TTC7B: variants seen among roughly 807,000 people sequenced by gnomAD.
The protein encoded by TTC7B is tetratricopeptide repeat protein 7B.
In TTC7B, 28 loss-of-function variants were observed where a neutral mutation model predicts 106.8. The ratio of observed to expected loss-of-function variants is 0.26; its 90% CI spans 0.19 to 0.36. The LOEUF is 0.36. Among genes scored for constraint, TTC7B ranks in the 10% least tolerant of loss-of-function variants. The pLI is 1.00. For synonymous variants in TTC7B, 405 were observed against 430.6 expected (o/e 0.94, Z 0.74); for missense variants, 862 against 1,076.4 (o/e 0.80, Z 2.79).
rs1420183030 is a variant in TTC7B, at chr14:90,537,568, C to T, written c.*3800G>A. The T allele has an allele frequency of 2.0e-5, 3 of 152,252 alleles. No individual in the cohort carries two copies. The highest frequency in any genetic ancestry group is 4.4e-5 in the Non-Finnish European group (3 of 68,110). The allele number at this position is 152,252 out of a possible 1,614,324, so 9.4% of individuals were successfully genotyped here. On this transcript the variant is annotated 3_prime_UTR_variant, in exon 20 of 20. Transcript: ENST00000328459. The stretch of plus-strand genomic sequence containing the variant: ...GGTCCACGAGGCCGCACCTGTGTGG[C>T]CCCTGTTAAACTTCTGACCTCTTCT...
At chr14:90,552,729 G>A (rs926956326) in intron 19 of TTC7B, among the ~76,000 whole-genome samples, 2 of 152,342 alleles carry the variant, frequency 1.3e-5, no homozygotes, top group South Asian at 4.1e-4. Flanking sequence ...TCAGATGAAG[G>A]AGGAGAGCTC....
intron 5 of TTC7B, among the ~76,000 whole-genome samples, chr14:90,711,741 CA>C (rs1285966851): frequency 2.6e-5 from 4 of 151,690 alleles, no homozygotes; most frequent in South Asian, 4.2e-4. Context: ...AAATTTTTTC[CA>C]AAAAAATGCA....
At chr14:90,605,345 T>C (rs546036513) in intron 17 of TTC7B, among the ~76,000 whole-genome samples, 60 of 152,356 alleles carry the variant, frequency 3.9e-4, no homozygotes, top group African/African-American at 1.4e-3. Flanking sequence ...GGCAATATTC[T>C]AGAAAAACTT....
At position 90,644,799 on chromosome 14, in the gene TTC7B, C is replaced by T. The variant is rs529003590; in HGVS notation, c.1591-591G>A. On this transcript the variant is annotated intron_variant, in intron 14 of 19. Transcript: ENST00000328459. ...CAAGGAAACATGCCAAAAAAGTAAA[C>T]AACAAAGGCCCCCACACCTTTCCAA... 2.6e-5 allele frequency: 4 copies of T among 152,336 alleles called. No homozygotes were observed. In the South Asian group the frequency reaches 8.3e-4, roughly 32 times the overall value. The allele number at this position is 152,336 out of a possible 1,614,324, so 9.4% of individuals were successfully genotyped here. A position where few individuals can be genotyped will look rare whatever the true frequency, so the allele number is the denominator to read the frequency against.
chr14:90,593,716 A>G, intron 17 of TTC7B, 90 bp from the exon 18 acceptor site: 1 of 1,253,710 alleles, frequency 8.0e-7, no homozygotes, highest in Admixed American at 2.6e-5. Context: ...CGCGGAACAC[A>G]CACACCCCTT....
At chr14:90,717,557 A>C (rs1888705818) in intron 5 of TTC7B, among the ~76,000 whole-genome samples, 1 of 152,164 alleles carries the variant, frequency 6.6e-6, no homozygotes, top group African/African-American at 2.4e-5. Flanking sequence ...TCCTAAGAAA[A>C]GTCATAAATT....
intron 15 of TTC7B, among the ~76,000 whole-genome samples, chr14:90,629,308 C>T (rs1242092298): frequency 6.6e-6 from 1 of 151,774 alleles, no homozygotes; most frequent in Admixed American, 6.6e-5. Context: ...TACAAATGAA[C>T]TAGAATTCAA....
In TTC7B at chr14:90,578,448, C is replaced by T; in HGVS notation, c.2108-140G>A. On this transcript the variant is annotated intron_variant, in intron 18 of 19. Coordinates refer to ENST00000328459, the MANE Select transcript of TTC7B (RefSeq NM_001010854.2). The surrounding 1 kb of genome is among the most constrained non-coding windows in gnomAD (Gnocchi z 4.7). ...AGCTGATCCCTGCTCCAAGTGGAAA[C>T]AGCTGCCGCTGACAGTCCCTCCTGC... 1 of 844,948 alleles carries T rather than the reference C, an allele frequency of 1.2e-6. No homozygotes were observed. The highest frequency in any genetic ancestry group is 1.6e-5 in the South Asian group (1 of 61,572). 52.3% of individuals were successfully genotyped at this position (844,948 alleles called of 1,614,324 possible). A position where few individuals can be genotyped will look rare whatever the true frequency, so the allele number is the denominator to read the frequency against.
rs201960735 is a variant in TTC7B, at chr14:90,641,921, T to TTGTG, written c.1751+2123_1751+2126dup. Among the ~76,000 whole-genome samples the TTGTG allele has an allele frequency of 5.0e-5, 7 of 139,316 alleles. No individual in the cohort carries two copies. In the East Asian group the frequency reaches 6.4e-4, roughly 13 times the overall value. 91.4% of individuals were successfully genotyped at this position (139,316 alleles called of 152,430 possible). The stretch of plus-strand genomic sequence containing the variant: ...GGAGTCCAATGCCTAATGAAAGAGC[T>TTGTG]TGTGTGTGTGTGCGTGTGTGTGTGT... On this transcript the variant is annotated intron_variant, in intron 15 of 19. Coordinates refer to ENST00000328459, the MANE Select transcript of TTC7B (RefSeq NM_001010854.2).
At chr14:90,782,028 G>A (rs758681372) in intron 2 of TTC7B, among the ~76,000 whole-genome samples, 5 of 152,186 alleles carry the variant, frequency 3.3e-5, no homozygotes, top group African/African-American at 4.8e-5. Context: ...CCATGAAACC[G>A]CACTATTTAT....
intron 4 of TTC7B, among the ~76,000 whole-genome samples, chr14:90,732,357 C>T (rs1010665372): frequency 4.6e-5 from 7 of 152,144 alleles, no homozygotes; most frequent in African/African-American, 1.2e-4. Flanking sequence ...GGAGTCTCCA[C>T]GTCCTCTCTT....
At chr14:90,571,246 C>T (rs950470429) in intron 19 of TTC7B, among the ~76,000 whole-genome samples, 4 of 152,162 alleles carry the variant, frequency 2.6e-5, no homozygotes, top group African/African-American at 4.8e-5. Flanking sequence ...ACACAGCTAT[C>T]GAAGAAGCTA....
intron 5 of TTC7B, among the ~76,000 whole-genome samples, chr14:90,704,633 A>G (rs1888131813): frequency 2.0e-5 from 3 of 152,234 alleles, no homozygotes; most frequent in Admixed American, 2.0e-4. Context: ...CTCTGAACCT[A>G]GACACATCTG....
At chr14:90,783,923 AAAAT>A (rs1237877222) in intron 2 of TTC7B, among the ~76,000 whole-genome samples, 2 of 152,168 alleles carry the variant, frequency 1.3e-5, no homozygotes, top group East Asian at 1.9e-4. Flanking sequence ...ACTCTGTCTC[AAAAT>A]AAATAAATAA....
rs1287211342 is a variant in TTC7B at position 90,647,308 on chromosome 14, A to C, written c.1518-285T>G. 8.2e-6 allele frequency: 3 copies of C among 365,104 alleles called. No homozygotes were observed. In the East Asian group the frequency reaches 1.7e-4, roughly 20 times the overall value. The allele number at this position is 365,104 out of a possible 1,614,324, so 22.6% of individuals were successfully genotyped here. A position where few individuals can be genotyped will look rare whatever the true frequency, so the allele number is the denominator to read the frequency against. ...CTTTGCGGAGGGCCTCGAGGTGAAG[A>C]ATCCATAGGCCCTGAGGTCTGATCT... On this transcript the variant is annotated intron_variant, in intron 13 of 19. Transcript: ENST00000328459.
At chr14:90,579,569 G>A (rs986088851) in intron 18 of TTC7B, among the ~76,000 whole-genome samples, 3 of 152,152 alleles carry the variant, frequency 2.0e-5, no homozygotes, top group Non-Finnish European at 1.5e-5. Flanking sequence ...AGGCCGAGGC[G>A]GGCGGATAGC....
In TTC7B at chr14:90,793,898, G is replaced by A. The variant is rs143018748; in HGVS notation, c.122-7570C>T. Among the ~76,000 whole-genome samples the A allele has an allele frequency of 2.5e-3, 377 of 150,752 alleles. 1 individual carries two copies. The highest frequency in any genetic ancestry group is 5.8e-3 in the African/African-American group (238 of 41,126). Reference sequence around the variant, plus strand: ...GCTGGGATTATAGGCGTGAGCCACCGCGCCCGGCCTTGTTTGTTTTCTTCG... The same window carrying A: ...GCTGGGATTATAGGCGTGAGCCACCACGCCCGGCCTTGTTTGTTTTCTTCG... On this transcript the variant is annotated intron_variant, in intron 1 of 19. Coordinates refer to ENST00000328459, the MANE Select transcript of TTC7B (RefSeq NM_001010854.2).
intron 5 of TTC7B, among the ~76,000 whole-genome samples, chr14:90,714,329 C>T (rs1308455753): frequency 6.6e-6 from 1 of 152,044 alleles, no homozygotes; most frequent in Non-Finnish European, 1.5e-5. Context: ...CACAGAGCCA[C>T]AGAGCAAATA....
intron 6 of TTC7B, among the ~76,000 whole-genome samples, chr14:90,692,840 C>T (rs1185973036): frequency 6.6e-6 from 1 of 151,984 alleles, no homozygotes; most frequent in African/African-American, 2.4e-5. Flanking sequence ...GTTTGAACTT[C>T]TTAAGGCACC....
Sources: gnomAD v4.1 joint callset for allele counts (sites outside exome capture counted in the v4.1 genomes callset) on GRCh38, gnomAD v4.1.1 for gene constraint, Gnocchi (gnomAD v3.1) non-coding constraint, MANE v1.5 for transcripts, NCBI Gene and HGNC (gene_info 2026-07-23, HGNC 2026-07-21) for gene names.